PTPRJ: variants seen among roughly 807,000 people sequenced by gnomAD.
PTPRJ encodes the protein protein tyrosine phosphatase receptor type J.
Under a neutral mutation model 141.3 loss-of-function variants are expected in PTPRJ, and 129 were observed. The ratio of observed to expected loss-of-function variants is 0.91; its 90% CI spans 0.79 to 1.06. The LOEUF is 1.06. PTPRJ is among the 50% of genes least tolerant of loss of function. The pLI is 0.00. For synonymous variants in PTPRJ, 610 were observed against 640.5 expected (o/e 0.95, Z 0.72); for missense variants, 1,601 against 1,679.7 (o/e 0.95, Z 0.82).
chr11:47,993,012 A>T (rs1303249173), intron 1 of PTPRJ, among the ~76,000 whole-genome samples: 1 of 152,162 alleles, frequency 6.6e-6, no homozygotes, highest in Non-Finnish European at 1.5e-5. Flanking sequence ...GACACAGTAA[A>T]AAAAACCAGT....
intron 1 of PTPRJ, among the ~76,000 whole-genome samples, chr11:48,040,922 A>G (rs12290640): frequency 0.016 from 2,423 of 151,990 alleles, 61 homozygotes; most frequent in African/African-American, 0.055. Context: ...TCTTCTGTTC[A>G]CTACAGCCGT....
intron 1 of PTPRJ, among the ~76,000 whole-genome samples, chr11:48,093,178 C>G (rs1041488623): frequency 6.6e-6 from 1 of 152,138 alleles, no homozygotes; most frequent in Admixed American, 6.5e-5. Flanking sequence ...TGTGATTGCT[C>G]TGTAACTTTT....
intron 1 of PTPRJ, among the ~76,000 whole-genome samples, chr11:48,001,198 T>A (rs1854487967): frequency 6.6e-6 from 1 of 151,900 alleles, no homozygotes; most frequent in African/African-American, 2.4e-5. Context: ...TCACCATGTT[T>A]GCCAGGCTGG....
At chr11:48,137,481 A>G (rs1406074969) in intron 10 of PTPRJ, among the ~76,000 whole-genome samples, 200 bp downstream of exon 10, 1 of 152,234 alleles carries the variant, frequency 6.6e-6, no homozygotes, top group Admixed American at 6.5e-5. Context: ...TTTATTGAGC[A>G]TATACCATAT....
rs724159933 is a variant in PTPRJ at position 48,130,663 on chromosome 11, C to T, written c.1562C>T (p.Pro521Leu). The change falls in exon 8 of 25, where the codon CCA becomes CTA. Residue 521 changes from proline (P) to leucine (L), a missense_variant. Coordinates refer to ENST00000418331, the MANE Select transcript of PTPRJ (RefSeq NM_002843.4). ...ACCAAGTATTGCTTTGAAATAGTTC[C>T]AAAAGGACCAAATGGGACTGAAGGG... ...PGTKYCFEIV[P>L]KGPNGTEGAS... 1 of 1,614,002 alleles carries T rather than the reference C, an allele frequency of 6.2e-7. No individual in the cohort carries two copies. The highest frequency in any genetic ancestry group is 8.5e-7 in the Non-Finnish European group (1 of 1,179,954).
At chr11:48,114,873 A>G (rs915520149) in intron 3 of PTPRJ, among the ~76,000 whole-genome samples, 2 of 152,266 alleles carry the variant, frequency 1.3e-5, no homozygotes, top group Non-Finnish European at 1.5e-5. Flanking sequence ...ACAGAGAAGC[A>G]AACAGAAATT....
chr11:47,982,065 A>C (rs530008969), intron 1 of PTPRJ, among the ~76,000 whole-genome samples: 2 of 151,654 alleles, frequency 1.3e-5, no homozygotes, highest in South Asian at 4.1e-4. Flanking sequence ...CTCCAGCGCG[A>C]ATACAGGAGA....
chr11:48,098,979 G>A (rs1428523269), intron 1 of PTPRJ, among the ~76,000 whole-genome samples: 1 of 152,154 alleles, frequency 6.6e-6, no homozygotes, highest in African/African-American at 2.4e-5. Context: ...ATCTTCTCTC[G>A]AACATCTGCC....
chr11:48,155,889 G>C lies in PTPRJ; in HGVS notation c.3303+15G>C. 1.3e-6 allele frequency: 2 copies of C among 1,595,560 alleles called. No individual in the cohort carries two copies. The highest frequency in any genetic ancestry group is 1.7e-6 in the Non-Finnish European group (2 of 1,163,416). On this transcript the variant is annotated intron_variant, in intron 20 of 24. Coordinates refer to ENST00000418331, the MANE Select transcript of PTPRJ (RefSeq NM_002843.4). The stretch of plus-strand genomic sequence containing the variant: ...ACTACATGCCTGTAAGTTGGGGGAC[G>C]GTCTCACAGCACTGGACTGTTTCGA...
chr11:48,046,980 A>G (rs1005810216), intron 1 of PTPRJ, among the ~76,000 whole-genome samples: 4 of 131,404 alleles, frequency 3.0e-5, no homozygotes, highest in Non-Finnish European at 4.6e-5. Context: ...CAATGGTGTG[A>G]TCTCAGCTCA....
At chr11:48,063,232 G>A (rs1854987697) in intron 1 of PTPRJ, among the ~76,000 whole-genome samples, 1 of 152,134 alleles carries the variant, frequency 6.6e-6, no homozygotes, top group Admixed American at 6.5e-5. Flanking sequence ...GGAGGCTGAG[G>A]CAGGAGAATC....
At chr11:48,042,452 G>A (rs958783954) in intron 1 of PTPRJ, among the ~76,000 whole-genome samples, 7 of 152,228 alleles carry the variant, frequency 4.6e-5, no homozygotes, top group African/African-American at 1.7e-4. Flanking sequence ...CTGTGTGACA[G>A]GGAAAGCATG....
chr11:48,047,696 G>A (rs1590437164), intron 1 of PTPRJ, among the ~76,000 whole-genome samples: 1 of 151,936 alleles, frequency 6.6e-6, no homozygotes, highest in Non-Finnish European at 1.5e-5. Context: ...GTAGAGACAG[G>A]GTTTTGCCAT....
chr11:48,130,370 A>G (rs1590539335), intron 7 of PTPRJ, 89 bp from the exon 8 acceptor site: 15 of 1,324,312 alleles, frequency 1.1e-5, no homozygotes, highest in Non-Finnish European at 1.6e-5. Flanking sequence ...TCCTAAGTGT[A>G]CATTTCATCT....
intron 8 of PTPRJ, chr11:48,131,597 T>C (rs1412384299): frequency 1.3e-6 from 1 of 754,910 alleles, no homozygotes; most frequent in Non-Finnish European, 2.5e-6. Context: ...TGGCTCATTG[T>C]CTGTTTTTGT....
chr11:48,053,725 T>C (rs990035148), intron 1 of PTPRJ, among the ~76,000 whole-genome samples: 1 of 149,642 alleles, frequency 6.7e-6, no homozygotes, highest in Non-Finnish European at 1.5e-5. Context: ...TACAGGTGTG[T>C]GCCACCATGC....
intron 1 of PTPRJ, among the ~76,000 whole-genome samples, chr11:48,007,106 CTTTTT>C (rs1037898169): frequency 2.7e-5 from 4 of 148,874 alleles, no homozygotes; most frequent in Non-Finnish European, 6.0e-5. Context: ...TTTTTTTTTT[CTTTTT>C]TTATTTTGAG....
intron 3 of PTPRJ, among the ~76,000 whole-genome samples, chr11:48,118,417 C>G (rs1206531674): frequency 6.6e-6 from 1 of 152,180 alleles, no homozygotes; most frequent in Admixed American, 6.5e-5. Context: ...AATGACAGTT[C>G]TTCTCAATTG....
At chr11:48,103,351 C>T (rs1052744203) in intron 1 of PTPRJ, among the ~76,000 whole-genome samples, 6 of 152,034 alleles carry the variant, frequency 3.9e-5, no homozygotes, top group Non-Finnish European at 8.8e-5. Context: ...TTGAACTACT[C>T]GGAAGGCTGA....
Sources: gnomAD v4.1 joint callset for allele counts (sites outside exome capture counted in the v4.1 genomes callset) on GRCh38, gnomAD v4.1.1 for gene constraint, MANE v1.5 for transcripts, NCBI Gene and HGNC (gene_info 2026-07-23, HGNC 2026-07-21) for gene names.